Variants in PHKB observed in about 807,000 individuals in gnomAD.
PHKB encodes the protein phosphorylase b kinase regulatory subunit beta.
Under a neutral mutation model 152.1 loss-of-function variants are expected in PHKB, and 122 were observed. That is an observed-to-expected ratio of 0.80 (90% CI 0.69 to 0.93). PHKB has a LOEUF of 0.93. Ranked by LOEUF, PHKB falls within the 40% of genes least tolerant of loss-of-function variation. The probability of loss-of-function intolerance (pLI) is 0.00; values close to 1 mark genes in which losing one functional copy is unlikely to be tolerated. For synonymous variants in PHKB, 436 were observed against 464.9 expected (o/e 0.94, Z 0.80); for missense variants, 1,304 against 1,328.4 (o/e 0.98, Z 0.29).
intron 1 of PHKB, among the ~76,000 whole-genome samples, chr16:47,466,875 G>GAAC (rs1969678584): frequency 6.6e-6 from 1 of 152,114 alleles, no homozygotes; most frequent in African/African-American, 2.4e-5. Flanking sequence ...CTGAACTCTT[G>GAAC]TGGGTTGTGG....
At chr16:47,623,428 G>T (rs1972651532) in intron 14 of PHKB, among the ~76,000 whole-genome samples, 1 of 148,774 alleles carries the variant, frequency 6.7e-6, no homozygotes, top group Non-Finnish European at 1.5e-5. Flanking sequence ...ATCCCTTTGT[G>T]TGATTAAGAC....
chr16:47,663,441 AT>A (rs1293075819), intron 23 of PHKB, among the ~76,000 whole-genome samples: 1 of 152,196 alleles, frequency 6.6e-6, no homozygotes, highest in Non-Finnish European at 1.5e-5. Flanking sequence ...AAACAGTTGA[AT>A]TTCGAGAAAT....
intron 25 of PHKB, chr16:47,665,381 T>C (rs1285713537): frequency 9.1e-6 from 2 of 220,544 alleles, no homozygotes; most frequent in African/African-American, 4.7e-5. Flanking sequence ...TTCAGTAATA[T>C]AAAAATAGCA....
chr16:47,514,455 A>G (rs962514776), intron 5 of PHKB, among the ~76,000 whole-genome samples: 1 of 152,200 alleles, frequency 6.6e-6, no homozygotes, highest in Non-Finnish European at 1.5e-5. Context: ...AAGCTGGATA[A>G]CCTGGAGTTC....
At chr16:47,553,918 C>G (rs1022847889) in intron 7 of PHKB, among the ~76,000 whole-genome samples, 4 of 152,112 alleles carry the variant, frequency 2.6e-5, no homozygotes, top group Admixed American at 6.5e-5. Context: ...GAAGGTTTGT[C>G]CCAGAGGGGC....
chr16:47,654,649 G>T (rs1420606469), intron 20 of PHKB, among the ~76,000 whole-genome samples: 2 of 152,112 alleles, frequency 1.3e-5, no homozygotes, highest in East Asian at 1.9e-4. Context: ...CATGTCCTTT[G>T]TAGGGACATG....
rs879124001 is a variant in PHKB at position 47,565,561 on chromosome 16, T to C, written c.711-14734T>C. On this transcript the variant is annotated intron_variant, in intron 7 of 30. Coordinates refer to ENST00000323584, the MANE Select transcript of PHKB (RefSeq NM_000293.3). ...TGGAGAGTGACAGTCTTCCTCCTTATTGAGTGTTTCATTTTCTAAAGACTT... is the reference window on the plus strand; with the variant it reads ...TGGAGAGTGACAGTCTTCCTCCTTACTGAGTGTTTCATTTTCTAAAGACTT... 2.3e-5 allele frequency: 25 copies of C among 1,105,362 alleles called. No homozygotes were observed. The South Asian group carries it at 3.1e-4, about 14-fold the overall frequency. 68.5% of individuals were successfully genotyped at this position (1,105,362 alleles called of 1,614,324 possible).
chr16:47,589,079 T>C lies in PHKB; in HGVS notation c.1045T>C (p.Tyr349His). ...ATCATTGGAAGATCCCAACAGATGC[T>C]ACTACAAGCCAGCTGAAATTAAGGT... The part of the protein sequence containing the change: ...RTSLEDPNRC[Y>H]YKPAEIKLFD... Residue 349 changes from tyrosine to histidine, a missense_variant, in exon 10 of 31, where the codon TAC becomes CAC. Physicochemically the swap from Tyr to His is moderately conservative, Grantham distance 83. Coordinates refer to ENST00000323584, the MANE Select transcript of PHKB (RefSeq NM_000293.3). The C allele has an allele frequency of 1.9e-6, 3 of 1,612,364 alleles. No homozygotes were observed. The highest frequency in any genetic ancestry group is 2.5e-6 in the Non-Finnish European group (3 of 1,178,490).
intron 6 of PHKB, among the ~76,000 whole-genome samples, chr16:47,524,382 A>T (rs1273455245): frequency 1.3e-5 from 2 of 152,234 alleles, no homozygotes; most frequent in Non-Finnish European, 2.9e-5. Context: ...CCTTAAAAAA[A>T]ATACTTTAAT....
chr16:47,467,165 A>G (rs1231994015), intron 1 of PHKB, among the ~76,000 whole-genome samples: 1 of 152,196 alleles, frequency 6.6e-6, no homozygotes, highest in Non-Finnish European at 1.5e-5. Context: ...AATATTGCTG[A>G]TGTGTATTAA....
intron 7 of PHKB, among the ~76,000 whole-genome samples, chr16:47,577,670 A>G (rs1971772818): frequency 6.6e-6 from 1 of 152,028 alleles, no homozygotes; most frequent in Non-Finnish European, 1.5e-5. Flanking sequence ...CAATCACTGG[A>G]AACTCTTGTG....
At chr16:47,569,197 C>T (rs1423930560) in intron 7 of PHKB, among the ~76,000 whole-genome samples, 1 of 152,178 alleles carries the variant, frequency 6.6e-6, no homozygotes, top group Non-Finnish European at 1.5e-5. Context: ...ACTATGGGTG[C>T]TCCAGTGTTA....
rs530776255 is a variant in PHKB, at chr16:47,471,837, C to T, written c.76+10411C>T. Among the ~76,000 whole-genome samples, 6 of 152,194 alleles carry T rather than the reference C, an allele frequency of 3.9e-5. No homozygotes were observed. In the East Asian group the frequency reaches 1.2e-3, roughly 29 times the overall value. On this transcript the variant is annotated intron_variant, in intron 1 of 30. Transcript: ENST00000323584. ...ACAAATATAAAATGTATATGTGTCA[C>T]GAGGTCAGGAGATCGAGACCACCCT...
intron 8 of PHKB, among the ~76,000 whole-genome samples, chr16:47,580,816 T>A (rs987355694): frequency 6.6e-6 from 1 of 152,106 alleles, no homozygotes; most frequent in Admixed American, 6.5e-5. Context: ...TAGCTTCACC[T>A]TCAACTGGCT....
At chr16:47,661,659 C>A in intron 22 of PHKB, 60 bp from the exon 23 acceptor site, 1 of 1,045,420 alleles carries the variant, frequency 9.6e-7, no homozygotes, top group Non-Finnish European at 1.5e-6. Context: ...ATTAGTTACC[C>A]TCTGTGGTAA....
At chr16:47,516,023 G>C (rs1162576513) in intron 6 of PHKB, among the ~76,000 whole-genome samples, 1 of 151,802 alleles carries the variant, frequency 6.6e-6, no homozygotes, top group Non-Finnish European at 1.5e-5. Flanking sequence ...TGCCTCCCAG[G>C]TTCAAGCGAT....
chr16:47,645,594 C>T (rs1973102323), intron 16 of PHKB, among the ~76,000 whole-genome samples: 1 of 148,532 alleles, frequency 6.7e-6, no homozygotes, highest in Non-Finnish European at 1.5e-5. Flanking sequence ...GGTACCAGTA[C>T]CGTGCTGTTT....
At chr16:47,697,746 A>G (rs908784272) in intron 29 of PHKB, among the ~76,000 whole-genome samples, 24 of 152,358 alleles carry the variant, frequency 1.6e-4, no homozygotes, top group African/African-American at 5.5e-4. Context: ...TTTACCAATT[A>G]TTGCATATGC....
At chr16:47,655,735 C>A (rs1250909895) in intron 20 of PHKB, among the ~76,000 whole-genome samples, 1 of 152,188 alleles carries the variant, frequency 6.6e-6, no homozygotes, top group Admixed American at 6.5e-5. Flanking sequence ...TAAGATATTT[C>A]ATCTAATCTT....
Sources: allele counts gnomAD v4.1 joint callset (sites outside exome capture counted in the v4.1 genomes callset), GRCh38; gene constraint gnomAD v4.1.1; transcripts MANE v1.5; gene names NCBI Gene and HGNC (gene_info 2026-07-23, HGNC 2026-07-21).